The following JAK2 variants were observed in gnomAD, a reference collection of about 807,000 sequenced individuals.
JAK2 encodes the protein tyrosine-protein kinase JAK2.
Under a neutral mutation model 139.3 loss-of-function variants are expected in JAK2, and 86 were observed. The ratio of observed to expected loss-of-function variants is 0.62; its 90% CI spans 0.52 to 0.74. The LOEUF (loss-of-function observed/expected upper bound fraction) is 0.74, where lower values mean the gene tolerates loss of function less well. Among genes scored for constraint, JAK2 ranks in the 30% least tolerant of loss-of-function variants. The pLI is 0.00. For synonymous variants in JAK2, 490 were observed against 437.7 expected, an observed-to-expected ratio of 1.12 and a Z score of -1.49; for missense variants, 1,421 against 1,360.3, an observed-to-expected ratio of 1.04 and a Z score of -0.70.
chr9:5,068,494 T>G (rs1316162260), intron 10 of JAK2, among the ~76,000 whole-genome samples: 1 of 152,210 alleles, frequency 6.6e-6, no homozygotes, highest in Non-Finnish European at 1.5e-5. Flanking sequence ...GAACTGAGTT[T>G]TGATGAATGA....
At chr9:4,987,239 A>G (rs942484912) in intron 2 of JAK2, among the ~76,000 whole-genome samples, 2 of 152,202 alleles carry the variant, frequency 1.3e-5, no homozygotes, top group African/African-American at 2.4e-5. Context: ...TAGCAGTTTT[A>G]GGGACTCATT....
At chr9:5,060,466 C>G (rs1818088648) in intron 8 of JAK2, among the ~76,000 whole-genome samples, 1 of 152,216 alleles carries the variant, frequency 6.6e-6, no homozygotes, top group Non-Finnish European at 1.5e-5. Flanking sequence ...AAATCCTTTG[C>G]TGTCTTTTCA....
At chr9:5,025,031 T>G (rs1233862452) in intron 3 of JAK2, among the ~76,000 whole-genome samples, 1 of 152,204 alleles carries the variant, frequency 6.6e-6, no homozygotes, top group Non-Finnish European at 1.5e-5. Flanking sequence ...ACAACTTTCC[T>G]GCCATTTTTA....
Position 5,128,013 on chromosome 9 carries a change from G to C in JAK2, c.*1222G>C. ...TTCAATTAAGTATAAGGGGTTGTTC[G>C]TTGTTGTCATTTGTTATAGTGCTAC... is the stretch of plus-strand genomic sequence containing the variant. On this transcript the variant is annotated 3_prime_UTR_variant, in exon 25 of 25. Coordinates refer to ENST00000381652, the MANE Select transcript of JAK2 (RefSeq NM_004972.4). 1 of 231,508 alleles carries C rather than the reference G, an allele frequency of 4.3e-6. No homozygotes were observed. The highest frequency in any genetic ancestry group is 8.5e-6 in the Non-Finnish European group (1 of 117,140). The allele number at this position is 231,508 out of a possible 1,614,324, so 14.3% of individuals were successfully genotyped here.
chr9:5,075,653 G>A (rs904866348), intron 14 of JAK2, among the ~76,000 whole-genome samples: 1 of 152,166 alleles, frequency 6.6e-6, no homozygotes, highest in African/African-American at 2.4e-5. Context: ...CATTGACAAT[G>A]CACCTGGTCA....
In JAK2 at chr9:5,129,469, T is replaced by G. The variant is rs916472696; in HGVS notation, c.*2678T>G. 6.6e-6 allele frequency among the ~76,000 whole-genome samples: 1 copy of G among 152,138 alleles called. No individual in the cohort carries two copies. Among genetic ancestry groups the G allele is most frequent in the Non-Finnish European group, 1.5e-5 (1 of 67,970 alleles). On this transcript the variant is annotated 3_prime_UTR_variant, in exon 25 of 25. Coordinates refer to ENST00000381652, the MANE Select transcript of JAK2 (RefSeq NM_004972.4). ...CATCCTAATTCTTGTACTGAAATTA[T>G]TTCTCATGAAAGTTTCTCTAATATT...
chr9:5,031,769 C>G (rs927100997), intron 4 of JAK2, among the ~76,000 whole-genome samples: 10 of 152,086 alleles, frequency 6.6e-5, no homozygotes, highest in Non-Finnish European at 1.2e-4. Context: ...AATGAAAAGG[C>G]AGGAGGGTGG....
At chr9:5,085,607 T>C (rs946901236) in intron 19 of JAK2, 2 of 699,206 alleles carry the variant, frequency 2.9e-6, no homozygotes, top group African/African-American at 3.5e-5. Context: ...ACAGAAAGAA[T>C]TAAATCTCCA....
At chr9:5,052,040 A>T (rs1204844162) in intron 6 of JAK2, among the ~76,000 whole-genome samples, 1 of 152,124 alleles carries the variant, frequency 6.6e-6, no homozygotes, top group Non-Finnish European at 1.5e-5. Context: ...ATAGTAGAAC[A>T]TAGTTGGAGG....
At chr9:5,041,110 C>G (rs1330370431) in intron 4 of JAK2, 1 of 811,122 alleles carries the variant, frequency 1.2e-6, no homozygotes, top group Non-Finnish European at 2.0e-6. Context: ...GTTCGACCTT[C>G]ACGCCCAAGA....
At chr9:5,063,979 A>AAC (rs1265954838) in intron 8 of JAK2, among the ~76,000 whole-genome samples, 1 of 150,124 alleles carries the variant, frequency 6.7e-6, no homozygotes. Flanking sequence ...AACATGTTGA[A>AAC]ACTCTGTCTC....
Position 5,055,838 on chromosome 9 carries a change from A to C in JAK2, c.1056+50A>C, listed in dbSNP as rs145477246. 2.0e-6 allele frequency: 3 copies of C among 1,515,996 alleles called. No homozygotes were observed. In the African/African-American group the frequency reaches 4.2e-5, roughly 21 times the overall value. The allele number at this position is 1,515,996 out of a possible 1,614,324, so 93.9% of individuals were successfully genotyped here. On this transcript the variant is annotated intron_variant, in intron 8 of 24. Coordinates refer to ENST00000381652, the MANE Select transcript of JAK2 (RefSeq NM_004972.4). ...ATGGTTTCATTTTATAGTTCTCAGAAATGTGTATTTTAGAATCTTAGTACC... is the reference window on the plus strand; with the variant it reads ...ATGGTTTCATTTTATAGTTCTCAGACATGTGTATTTTAGAATCTTAGTACC...
At chr9:5,098,175 A>C (rs1402786537) in intron 22 of JAK2, 1 of 152,188 alleles carries the variant, frequency 6.6e-6, no homozygotes, top group Non-Finnish European at 1.5e-5. Flanking sequence ...CACACATTTG[A>C]AGAGCCAACC....
chr9:5,055,548 A>G (rs1356611549), intron 7 of JAK2, 121 bp from the exon 8 acceptor site: 28 of 719,172 alleles, frequency 3.9e-5, no homozygotes, highest in African/African-American at 7.2e-5. Flanking sequence ...ATGCTTATCT[A>G]TTGTTATCAA....
chr9:5,080,178 T>C, intron 16 of JAK2, 51 bp from the exon 17 acceptor site: 1 of 1,314,214 alleles, frequency 7.6e-7, no homozygotes, highest in African/African-American at 1.5e-5. Context: ...ATATAAAAGA[T>C]TGGTTTACTT....
rs567088323 is a variant in JAK2, at chr9:5,110,888, G to C, written c.3060-12116G>C. On this transcript the variant is annotated intron_variant, in intron 22 of 24. Transcript: ENST00000381652. ...CGCGCCCAGCAGGGTTTCCATGTCT[G>C]AGATGCCCGCTCTGGCCCCAAGAGA... 343 of 534,104 alleles carry C rather than the reference G, an allele frequency of 6.4e-4. 5 individuals carry two copies. The highest frequency in any genetic ancestry group is 5.1e-3 in the South Asian group (323 of 62,738). The allele number at this position is 534,104 out of a possible 1,614,324, so 33.1% of individuals were successfully genotyped here. A position where few individuals can be genotyped will look rare whatever the true frequency, so the allele number is the denominator to read the frequency against.
intron 22 of JAK2, among the ~76,000 whole-genome samples, chr9:5,115,918 G>A (rs1302079454): frequency 6.6e-6 from 1 of 152,148 alleles, no homozygotes; most frequent in Non-Finnish European, 1.5e-5. Flanking sequence ...TGGGTGGAGG[G>A]CTAGGGGAGG....
intron 22 of JAK2, chr9:5,114,611 G>A: frequency 2.0e-6 from 1 of 488,220 alleles, no homozygotes; most frequent in Non-Finnish European, 4.0e-6. Flanking sequence ...TGTACAACGA[G>A]GTGCAGCTCC....
intron 2 of JAK2, among the ~76,000 whole-genome samples, chr9:5,016,165 T>C (rs1211834951): frequency 3.9e-5 from 6 of 152,152 alleles, no homozygotes; most frequent in African/African-American, 4.8e-5. Flanking sequence ...TGCTATAGTG[T>C]TGGATAAGTT....
Sources: allele counts gnomAD v4.1 joint callset (sites outside exome capture counted in the v4.1 genomes callset), GRCh38; gene constraint gnomAD v4.1.1; transcripts MANE v1.5; gene names NCBI Gene and HGNC (gene_info 2026-07-23, HGNC 2026-07-21).